Variants in TLK1 observed in about 807,000 individuals in gnomAD.
TLK1 encodes tousled like kinase 1.
A neutral mutation model predicts 105.3 loss-of-function variants in TLK1; 24 were observed. That is an observed-to-expected ratio of 0.23 (90% confidence interval 0.17 to 0.32). The LOEUF is 0.32. Among genes scored for constraint, TLK1 ranks in the 10% least tolerant of loss-of-function variants. The probability of loss-of-function intolerance (pLI) is 1.00; values close to 1 mark genes in which losing one functional copy is unlikely to be tolerated. For missense variants in TLK1, 558 were observed against 910.5 expected, an observed-to-expected ratio of 0.61 and a Z score of 4.98; for synonymous variants, 321 against 310.4, an observed-to-expected ratio of 1.03 and a Z score of -0.36.
intron 1 of TLK1, among the ~76,000 whole-genome samples, chr2:171,152,631 G>A (rs1430931726): frequency 6.6e-6 from 1 of 152,024 alleles, no homozygotes. Flanking sequence ...TGCCCATACT[G>A]AATACTATTA....
At chr2:171,028,509 C>CT (rs1685885343) in intron 11 of TLK1, 104 bp from the exon 12 acceptor site, 1 of 757,348 alleles carries the variant, frequency 1.3e-6, no homozygotes, top group Admixed American at 2.8e-5. Flanking sequence ...ATGTGGACAA[C>CT]TTTAAGCCCA....
chr2:171,007,147 G>C lies in TLK1; in HGVS notation c.1417-84C>G, dbSNP rs1010676546. 21 of 1,162,544 alleles carry C rather than the reference G, an allele frequency of 1.8e-5. No homozygotes were observed. In the African/African-American group the frequency reaches 2.9e-4, roughly 16 times the overall value. 72.0% of individuals were successfully genotyped at this position (1,162,544 alleles called of 1,614,324 possible). ...GTTTTTTATTTTGGTGATAATTTTT[G>C]CAATAATATGGAATTAGGACAAACC... On this transcript the variant is annotated intron_variant, in intron 14 of 20. Transcript: ENST00000431350.
intron 2 of TLK1, among the ~76,000 whole-genome samples, chr2:171,106,522 C>G (rs1342036415): frequency 6.6e-6 from 1 of 152,122 alleles, no homozygotes; most frequent in Non-Finnish European, 1.5e-5. Flanking sequence ...GTTGTATGTA[C>G]AGTATCTGTT....
At chr2:171,065,695 G>A (rs925152351) in intron 3 of TLK1, among the ~76,000 whole-genome samples, 7 of 152,180 alleles carry the variant, frequency 4.6e-5, no homozygotes, top group East Asian at 1.9e-4. Flanking sequence ...CCGCCACTAT[G>A]CCCGGCTAAT....
chr2:171,221,169 C>T (rs565602712), intron 1 of TLK1, among the ~76,000 whole-genome samples: 2 of 152,248 alleles, frequency 1.3e-5, no homozygotes, highest in African/African-American at 4.8e-5. Context: ...CATAGTTATC[C>T]TTTATTTTCT....
intron 1 of TLK1, among the ~76,000 whole-genome samples, chr2:171,206,785 A>C (rs939975384): frequency 6.6e-6 from 1 of 152,248 alleles, no homozygotes; most frequent in African/African-American, 2.4e-5. Flanking sequence ...GATGGCAAAT[A>C]AGCATATGAA....
chr2:171,131,797 A>G (rs76055026), intron 1 of TLK1, among the ~76,000 whole-genome samples: 1 of 152,152 alleles, frequency 6.6e-6, no homozygotes, highest in Non-Finnish European at 1.5e-5. Context: ...CAATGTCAAC[A>G]ATGGCTTATT....
chr2:171,227,394 G>T, intron 1 of TLK1, among the ~76,000 whole-genome samples: 1 of 152,040 alleles, frequency 6.6e-6, no homozygotes, highest in Non-Finnish European at 1.5e-5. Context: ...GTTCCTTCTG[G>T]AATATTTGCT....
At chr2:171,050,305 A>G (rs1687175869) in intron 8 of TLK1, 131 bp from the exon 9 acceptor site, 1 of 272,518 alleles carries the variant, frequency 3.7e-6, no homozygotes, top group Admixed American at 5.9e-5. Flanking sequence ...ATGATACGAG[A>G]AAAAAAAAAA....
At chr2:171,174,212 C>T (rs953181653) in intron 1 of TLK1, among the ~76,000 whole-genome samples, 9 of 152,164 alleles carry the variant, frequency 5.9e-5, no homozygotes, top group African/African-American at 1.7e-4. Context: ...TGCAGCCACA[C>T]GAAAGTTATT....
chr2:171,153,342 ATTACTG>A (rs1692114901), intron 1 of TLK1, among the ~76,000 whole-genome samples: 1 of 152,346 alleles, frequency 6.6e-6, no homozygotes, highest in Admixed American at 6.5e-5. Context: ...AACTTTAGCT[ATTACTG>A]TTACTGTTAT....
At chr2:171,025,826 C>A (rs1031896780) in intron 12 of TLK1, among the ~76,000 whole-genome samples, 9 of 152,100 alleles carry the variant, frequency 5.9e-5, no homozygotes, top group African/African-American at 2.2e-4. Context: ...CTGTATAACT[C>A]AAAAATTAAT....
intron 3 of TLK1, among the ~76,000 whole-genome samples, chr2:171,063,467 T>C (rs1687851084): frequency 6.6e-6 from 1 of 152,210 alleles, no homozygotes; most frequent in African/African-American, 2.4e-5. Flanking sequence ...TTCAGAATCC[T>C]TTAATGTTAT....
chr2:171,017,534 T>C (rs539994634), intron 12 of TLK1, among the ~76,000 whole-genome samples: 28 of 152,344 alleles, frequency 1.8e-4, no homozygotes, highest in African/African-American at 6.0e-4. Flanking sequence ...TTCAAATAGG[T>C]TGTTGATGAA....
intron 13 of TLK1, among the ~76,000 whole-genome samples, chr2:171,014,463 T>A (rs537371143): frequency 6.6e-6 from 1 of 152,040 alleles, no homozygotes; most frequent in Admixed American, 6.5e-5. Context: ...GCCTCTTGAG[T>A]AGCTGGAACT....
At chr2:171,146,004 A>G (rs966066737) in intron 1 of TLK1, among the ~76,000 whole-genome samples, 4 of 152,198 alleles carry the variant, frequency 2.6e-5, no homozygotes, top group African/African-American at 9.7e-5. Flanking sequence ...AGTTTATAAT[A>G]ACTTACTGAG....
intron 1 of TLK1, among the ~76,000 whole-genome samples, chr2:171,123,982 A>C (rs912931084): frequency 7.2e-5 from 11 of 152,226 alleles, no homozygotes; most frequent in Non-Finnish European, 1.3e-4. Context: ...TTGGTTCTTC[A>C]TTTGATATTT....
intron 12 of TLK1, among the ~76,000 whole-genome samples, chr2:171,018,192 C>A (rs1171029628): frequency 6.6e-6 from 1 of 152,136 alleles, no homozygotes; most frequent in Non-Finnish European, 1.5e-5. Context: ...CCCCTCCCTC[C>A]AAGGAGCACA....
intron 5 of TLK1, among the ~76,000 whole-genome samples, chr2:171,057,356 C>A (rs1285724170): frequency 6.6e-6 from 1 of 151,952 alleles, no homozygotes; most frequent in East Asian, 1.9e-4. Flanking sequence ...AGGGATTTTG[C>A]CTTATTTATT....
Sources: allele counts gnomAD v4.1 joint callset (sites outside exome capture counted in the v4.1 genomes callset), GRCh38; gene constraint gnomAD v4.1.1; transcripts MANE v1.5; gene names NCBI Gene and HGNC (gene_info 2026-07-23, HGNC 2026-07-21).